The following ZKSCAN4 variants were observed in gnomAD, a reference collection of about 807,000 sequenced individuals.
ZKSCAN4 encodes zinc finger with KRAB and SCAN domains 4, also known as zinc finger protein with KRAB and SCAN domains 4.
A neutral mutation model predicts 30.8 loss-of-function variants in ZKSCAN4; 23 were observed. The ratio of observed to expected loss-of-function variants is 0.75; its 90% CI spans 0.54 to 1.06. ZKSCAN4 has a LOEUF of 1.06. Ranked by LOEUF, ZKSCAN4 falls within the 50% of genes least tolerant of loss-of-function variation. ZKSCAN4 has a pLI of 0.00. For synonymous variants in ZKSCAN4, 208 were observed against 252.5 expected, an observed-to-expected ratio of 0.82 and a Z score of 1.67; for missense variants, 556 against 665.4, an observed-to-expected ratio of 0.84 and a Z score of 1.81.
chr6:28,259,194 A>C, the ZKSCAN4 span: 1 of 557,216 alleles, frequency 1.8e-6, no homozygotes, highest in Non-Finnish European at 3.1e-6. Context: ...TCCCACAAGA[A>C]GCCTTCACGC....
Position 28,249,689 on chromosome 6 carries a change from C to G in ZKSCAN4, c.569G>C (p.Arg190Thr). The G allele has an allele frequency of 2.5e-6, 4 of 1,613,822 alleles. No homozygotes were observed. Among genetic ancestry groups the G allele is most frequent in the Non-Finnish European group, 3.4e-6 (4 of 1,179,900 alleles). ...ESLGSQPLHD[R>T]VLQVPGLAQG... ...ACAACCCAGAAGAGAATACTCACCT[C>G]TATCGTGTAAGGGCTGGGATCCCAG... The change falls in exon 2 of 5, where the codon AGA becomes ACA. Residue 190 changes from arginine (R) to threonine (T), a missense_variant and splice_region_variant. Arg to Thr is a moderately conservative substitution (Grantham distance 71). Coordinates refer to ENST00000377294, the MANE Select transcript of ZKSCAN4 (RefSeq NM_019110.5). The surrounding 1 kb of genome is among the most constrained non-coding windows in gnomAD (Gnocchi z 4.1).
Position 28,245,899 on chromosome 6 carries a change from G to C in ZKSCAN4, c.855C>G (p.Cys285Trp), listed in dbSNP as rs1200318950. 1 of 1,614,164 alleles carries C rather than the reference G, an allele frequency of 6.2e-7. No homozygotes were observed. Among genetic ancestry groups the C allele is most frequent in the Non-Finnish European group, 8.5e-7 (1 of 1,180,036 alleles). ...KLPEKEHGKI[C>W]HLREDIAQIP... ...TCTGGGCAATGTCTTCCCTCAGGTGGCATATCTTCCCATGCTCCTTTTCTG... is the reference window on the plus strand; with the variant it reads ...TCTGGGCAATGTCTTCCCTCAGGTGCCATATCTTCCCATGCTCCTTTTCTG... The change falls in exon 5 of 5, where the codon TGC becomes TGG. Residue 285 changes from cysteine to tryptophan, a missense_variant. Transcript: ENST00000377294.
rs1299789850 is a variant in ZKSCAN4 at position 28,244,268 on chromosome 6, A to G, written c.*848T>C. Among the ~76,000 whole-genome samples the G allele has an allele frequency of 1.3e-5, 2 of 152,190 alleles. No homozygotes were observed. Among genetic ancestry groups the G allele is most frequent in the Non-Finnish European group, 2.9e-5 (2 of 68,034 alleles). On this transcript the variant is annotated 3_prime_UTR_variant, in exon 5 of 5. Coordinates refer to ENST00000377294, the MANE Select transcript of ZKSCAN4 (RefSeq NM_019110.5). ...GTGTTACAGAATGTGTTCAAAATTC[A>G]TAATAATCATTTTGATCTAACTCAG...
intron 4 of ZKSCAN4, 110 bp from the exon 5 acceptor site, chr6:28,246,085 T>A (rs774402873): frequency 2.5e-5 from 36 of 1,442,140 alleles, no homozygotes; most frequent in Non-Finnish European, 3.0e-5. Flanking sequence ...ATGCCCAGGA[T>A]GAGGATTTAA....
rs1317737053 is a variant in ZKSCAN4, at chr6:28,242,902, C to T, written c.*2214G>A. On this transcript the variant is annotated 3_prime_UTR_variant, in exon 5 of 5. Transcript: ENST00000377294. ...GGAGGCGCAGGAGTGAAAGGAGGCA[C>T]AGTGGTCCTTAGTTAATCTCAGGAA... 3.0e-4 allele frequency among the ~76,000 whole-genome samples: 45 copies of T among 152,182 alleles called. No individual in the cohort carries two copies. The highest frequency in any genetic ancestry group is 8.8e-5 in the Non-Finnish European group (6 of 68,028).
At position 28,243,549 on chromosome 6, in the gene ZKSCAN4, A is replaced by G. The variant is rs879207422; in HGVS notation, c.*1567T>C. ...ATCAAAAAATTCTTATTTCTTGTGA[A>G]TAACTCACAGCATTGAGCCTTGACA... On this transcript the variant is annotated 3_prime_UTR_variant, in exon 5 of 5. Transcript: ENST00000377294. 6.6e-6 allele frequency among the ~76,000 whole-genome samples: 1 copy of G among 152,214 alleles called. No homozygotes were observed. Among genetic ancestry groups the G allele is most frequent in the South Asian group, 2.1e-4 (1 of 4,834 alleles).
chr6:28,247,976 G>T, intron 3 of ZKSCAN4, 91 bp downstream of exon 3: 2 of 795,036 alleles, frequency 2.5e-6, no homozygotes, highest in Non-Finnish European at 4.0e-6. Context: ...GGATAGGGGT[G>T]GGGTAGGACT....
chr6:28,245,205 A>G lies in ZKSCAN4; in HGVS notation c.1549T>C (p.Cys517Arg). 5 of 1,614,198 alleles carry G rather than the reference A, an allele frequency of 3.1e-6. No homozygotes were observed. The highest frequency in any genetic ancestry group is 4.2e-6 in the Non-Finnish European group (5 of 1,180,034). The change falls in exon 5 of 5, where the codon TGT becomes CGT. Residue 517 changes from cysteine (C) to arginine (R), a missense_variant. Coordinates refer to ENST00000377294, the MANE Select transcript of ZKSCAN4 (RefSeq NM_019110.5). The stretch of plus-strand genomic sequence containing the variant: ...GTGAAACCTTTTCCACATGTGTCAC[A>G]CTGATAGGGTTTCTCACCAGTGTGG... ...KIHTGEKPYQ[C>R]DTCGKGFTRT...
chr6:28,252,436 T>C (rs1473563311), upstream of ZKSCAN4, among the ~76,000 whole-genome samples: 1 of 152,092 alleles, frequency 6.6e-6, no homozygotes, highest in Non-Finnish European at 1.5e-5. Context: ...CCTTGGATCA[T>C]AAGAAATAGG....
At chr6:28,257,497 A>T in the ZKSCAN4 span, among the ~76,000 whole-genome samples, 1 of 152,168 alleles carries the variant, frequency 6.6e-6, no homozygotes, top group Non-Finnish European at 1.5e-5. Context: ...GCGTGTGTAT[A>T]CCTATGTAAC....
Position 28,244,914 on chromosome 6 carries a change from C to A in ZKSCAN4, c.*202G>T. On this transcript the variant is annotated 3_prime_UTR_variant, in exon 5 of 5. Transcript: ENST00000377294. Reference sequence around the variant, plus strand: ...CAACTTCCAGACCACTCTCCCATGGCCTCTTATCAAATGACTTCTTCCAAT... The same window carrying A: ...CAACTTCCAGACCACTCTCCCATGGACTCTTATCAAATGACTTCTTCCAAT... 2.8e-6 allele frequency: 2 copies of A among 715,166 alleles called. No homozygotes were observed. Among genetic ancestry groups the A allele is most frequent in the South Asian group, 3.1e-5 (2 of 63,842 alleles). 44.3% of individuals were successfully genotyped at this position (715,166 alleles called of 1,614,324 possible).
At chr6:28,255,612 C>T (rs576717988), upstream of ZKSCAN4, among the ~76,000 whole-genome samples, 1 of 151,252 alleles carries the variant, frequency 6.6e-6, no homozygotes, top group Non-Finnish European at 1.5e-5. Flanking sequence ...ATGTATAAGC[C>T]TTTTTTTTTG....
chr6:28,251,163 C>G lies in ZKSCAN4; in HGVS notation c.423+395G>C, dbSNP rs543037292. Among the ~76,000 whole-genome samples, 15 of 152,246 alleles carry G rather than the reference C, an allele frequency of 9.9e-5. No individual in the cohort carries two copies. Among genetic ancestry groups the G allele is most frequent in the African/African-American group, 3.1e-4 (13 of 41,538 alleles). ...GCATAAGCAGTACCCAGGACTTTGT[C>G]ACCAACAAAACCTGCACGTTTTCAC... On this transcript the variant is annotated intron_variant, in intron 1 of 4. Coordinates refer to ENST00000377294, the MANE Select transcript of ZKSCAN4 (RefSeq NM_019110.5). This position sits in a 1 kb window ranked among gnomAD's most constrained non-coding sequence, Gnocchi z 4.5.
rs746552990 is a variant in ZKSCAN4, at chr6:28,245,426, C to T, written c.1328G>A (p.Arg443Gln). Residue 443 changes from arginine (R) to glutamine (Q), a missense_variant, in exon 5 of 5, where the codon CGG (arginine) becomes CAG (glutamine). Arg to Gln is a conservative substitution (Grantham distance 43). This residue lies in a region of ZKSCAN4 where 433 missense variants were observed against 511.5 expected (regional missense o/e 0.85). Transcript: ENST00000377294. ...QCNMCGKAFR[R>Q]NSHLLRHQRI... is the part of the protein sequence containing the mutation. ...CTGATGTCTCAGGAGATGTGAATTCCGCCTAAAGGCTTTGCCACACATATT... is the reference window on the plus strand; with the variant it reads ...CTGATGTCTCAGGAGATGTGAATTCTGCCTAAAGGCTTTGCCACACATATT... The T allele has an allele frequency of 1.1e-5, 18 of 1,614,090 alleles. No individual in the cohort carries two copies. Among genetic ancestry groups the T allele is most frequent in the East Asian group, 2.2e-5 (1 of 44,902 alleles).
Position 28,248,140 on chromosome 6 carries a change from A to G in ZKSCAN4, c.581T>C (p.Val194Ala), listed in dbSNP as rs773672689. The change falls in exon 3 of 5, where the codon GTT (valine) becomes GCT (alanine). Residue 194 changes from valine to alanine, a missense_variant. By Grantham distance (64) the Val-to-Ala change is moderately conservative. Coordinates refer to ENST00000377294, the MANE Select transcript of ZKSCAN4 (RefSeq NM_019110.5). ...GCACCCTCCCTGGGCAAGCCCAGGA[A>G]CCTGGAGAACTAAGAAAGAAAGAAG... ...SQPLHDRVLQVPGLAQGGCCR... is the reference protein window; with the variant it reads ...SQPLHDRVLQAPGLAQGGCCR... The G allele has an allele frequency of 1.2e-6, 2 of 1,613,140 alleles. No homozygotes were observed.
At position 28,249,874 on chromosome 6, in the gene ZKSCAN4, A is replaced by T. The variant is rs1024585981; in HGVS notation, c.424-40T>A. Reference sequence around the variant, plus strand: ...TTTTAGTTATCTACCCAACATTTCTATGTTTTCCATGTGCAAGTGATTTCT... The same window carrying T: ...TTTTAGTTATCTACCCAACATTTCTTTGTTTTCCATGTGCAAGTGATTTCT... On this transcript the variant is annotated intron_variant, in intron 1 of 4. Coordinates refer to ENST00000377294, the MANE Select transcript of ZKSCAN4 (RefSeq NM_019110.5). The surrounding 1 kb of genome is among the most constrained non-coding windows in gnomAD (Gnocchi z 4.1). 6.2e-7 allele frequency: 1 copy of T among 1,606,476 alleles called. No homozygotes were observed. The highest frequency in any genetic ancestry group is 2.2e-5 in the East Asian group (1 of 44,718).
upstream of ZKSCAN4, among the ~76,000 whole-genome samples, chr6:28,252,743 C>A (rs1009126100): frequency 6.6e-6 from 1 of 152,034 alleles, no homozygotes; most frequent in African/African-American, 2.4e-5. Flanking sequence ...CTACTCCTCC[C>A]GACCCTGACT....
rs1410003982 is a variant in ZKSCAN4, at chr6:28,244,466, C to A, written c.*650G>T. ...AAGGCATTCTTCTCATCTCTACTAT[C>A]ATGGTAGAGAAATATGGATTCCCCC... On this transcript the variant is annotated 3_prime_UTR_variant, in exon 5 of 5. Transcript: ENST00000377294. 6.6e-6 allele frequency among the ~76,000 whole-genome samples: 1 copy of A among 152,170 alleles called. No individual in the cohort carries two copies. Among genetic ancestry groups the A allele is most frequent in the Non-Finnish European group, 1.5e-5 (1 of 68,034 alleles).
At chr6:28,254,965 C>A (rs1313873471), upstream of ZKSCAN4, among the ~76,000 whole-genome samples, 1 of 152,124 alleles carries the variant, frequency 6.6e-6, no homozygotes, top group Non-Finnish European at 1.5e-5. Context: ...GATATGTAAC[C>A]CGGTATCTTG....
Sources: gnomAD v4.1 joint callset for allele counts (sites outside exome capture counted in the v4.1 genomes callset) on GRCh38, gnomAD v4.1.1 for gene constraint, gnomAD v4.1.1 regional missense constraint, Gnocchi (gnomAD v3.1) non-coding constraint, MANE v1.5 for transcripts, NCBI Gene and HGNC (gene_info 2026-07-23, HGNC 2026-07-21) for gene names.